MSI2: variants seen among roughly 807,000 people sequenced by gnomAD.
MSI2 encodes musashi RNA binding protein 2.
A neutral mutation model predicts 45.6 loss-of-function variants in MSI2; 17 were observed. That is an observed-to-expected ratio of 0.37 (90% CI 0.26 to 0.56). The LOEUF (loss-of-function observed/expected upper bound fraction) is 0.56, where lower values mean the gene tolerates loss of function less well. Among genes scored for constraint, MSI2 ranks in the 20% least tolerant of loss-of-function variants. The pLI is 0.77. For synonymous variants in MSI2, 156 were observed against 158.2 expected, an observed-to-expected ratio of 0.99 and a Z score of 0.11; for missense variants, 293 against 444.2, an observed-to-expected ratio of 0.66 and a Z score of 3.06.
intron 9 of MSI2, among the ~76,000 whole-genome samples, chr17:57,619,380 TA>T (rs1908063118): frequency 6.6e-6 from 1 of 152,202 alleles, no homozygotes; most frequent in South Asian, 2.1e-4. Flanking sequence ...GCCTGATGCG[TA>T]ACATGAATTG....
intron 5 of MSI2, among the ~76,000 whole-genome samples, chr17:57,364,428 A>G (rs985928379): frequency 6.6e-6 from 1 of 152,246 alleles, no homozygotes; most frequent in African/African-American, 2.4e-5. Context: ...GTGCAATCAA[A>G]GTTAAGTGCA....
intron 6 of MSI2, among the ~76,000 whole-genome samples, chr17:57,476,112 C>CGGCA (rs763140923): frequency 6.6e-6 from 1 of 152,252 alleles, no homozygotes; most frequent in South Asian, 2.1e-4. Context: ...GCAGTTTAGC[C>CGGCA]GGCATCTTGT....
chr17:57,501,562 A>G (rs925942237), intron 6 of MSI2, among the ~76,000 whole-genome samples: 2 of 152,158 alleles, frequency 1.3e-5, no homozygotes, highest in African/African-American at 4.8e-5. Flanking sequence ...CGCACAGAAT[A>G]TTGTTAGATT....
intron 6 of MSI2, among the ~76,000 whole-genome samples, chr17:57,450,488 C>T (rs1040508782): frequency 1.3e-5 from 2 of 151,742 alleles, no homozygotes; most frequent in African/African-American, 2.4e-5. Flanking sequence ...ACCAGCCTGG[C>T]TAACATGGTG....
intron 5 of MSI2, among the ~76,000 whole-genome samples, chr17:57,400,886 C>T (rs749273981): frequency 7.9e-5 from 12 of 152,006 alleles, no homozygotes; most frequent in Non-Finnish European, 1.6e-4. Context: ...TCTCCAGGTG[C>T]GAGGTCAGCG....
intron 5 of MSI2, among the ~76,000 whole-genome samples, chr17:57,395,349 A>T (rs1409860198): frequency 6.6e-6 from 1 of 152,198 alleles, no homozygotes; most frequent in Non-Finnish European, 1.5e-5. Context: ...TCTCTTTTCC[A>T]CATGTGATCC....
chr17:57,316,651 T>C (rs1430898192), intron 5 of MSI2, among the ~76,000 whole-genome samples: 1 of 152,166 alleles, frequency 6.6e-6, no homozygotes, highest in East Asian at 1.9e-4. Flanking sequence ...GTTTGGAAAA[T>C]CCTGTGCTTT....
At chr17:57,435,063 G>C (rs1567821512) in intron 6 of MSI2, among the ~76,000 whole-genome samples, 1 of 152,174 alleles carries the variant, frequency 6.6e-6, no homozygotes, top group Non-Finnish European at 1.5e-5. Context: ...TTCCACTAAT[G>C]TAAGAGAGAC....
rs147900268 is a variant in MSI2 at position 57,257,669 on chromosome 17, G to A, written c.185+122G>A. The A allele has an allele frequency of 2.3e-3, 1,562 of 679,906 alleles. 12 individuals carry two copies. The highest frequency in any genetic ancestry group is 0.017 in the African/African-American group (945 of 55,338). The allele number at this position is 679,906 out of a possible 1,614,324, so 42.1% of individuals were successfully genotyped here. A position where few individuals can be genotyped will look rare whatever the true frequency, so the allele number is the denominator to read the frequency against. ...GGGGCTCAGGCGCGTGGCTGATCTC[G>A]AACGGCGCTCTATACCACCCCCACC... is the stretch of plus-strand genomic sequence containing the variant. On this transcript the variant is annotated intron_variant, in intron 3 of 13. Transcript: ENST00000284073.
intron 5 of MSI2, among the ~76,000 whole-genome samples, chr17:57,294,332 C>T (rs567587761): frequency 1.3e-4 from 20 of 152,050 alleles, no homozygotes; most frequent in Middle Eastern, 3.4e-3. Flanking sequence ...TTTTAAGTGC[C>T]GGCAGGTGCA....
In MSI2 at chr17:57,256,640, G is replaced by T. The variant is rs1468484012; in HGVS notation, c.-103G>T. 4.0e-6 allele frequency: 2 copies of T among 494,662 alleles called. No homozygotes were observed. The highest frequency in any genetic ancestry group is 2.1e-5 in the African/African-American group (1 of 48,020). The allele number at this position is 494,662 out of a possible 1,614,324, so 30.6% of individuals were successfully genotyped here. A position where few individuals can be genotyped will look rare whatever the true frequency, so the allele number is the denominator to read the frequency against. ...GCCCGGGCGGGGGGGAGGAGGAGGG[G>T]GAGGAGGGAGCGGAGATCTCGGGGC... On this transcript the variant is annotated 5_prime_UTR_variant, in exon 1 of 14. Coordinates refer to ENST00000284073, the MANE Select transcript of MSI2 (RefSeq NM_138962.4).
In MSI2 at chr17:57,497,483, G is replaced by T. The variant is rs113759147; in HGVS notation, c.406-32193G>T. 7.1e-3 allele frequency among the ~76,000 whole-genome samples: 1,078 copies of T among 152,328 alleles called. 14 individuals are homozygous for T. The highest frequency in any genetic ancestry group is 0.024 in the African/African-American group (1,017 of 41,558). ...TCTCCCACCCTCCAGCAGTGCTGGG[G>T]AGCTGCGCTTGTTTGGGAACAGAGA... On this transcript the variant is annotated intron_variant, in intron 6 of 13. Coordinates refer to ENST00000284073, the MANE Select transcript of MSI2 (RefSeq NM_138962.4).
At chr17:57,519,279 G>A (rs1437376563) in intron 6 of MSI2, among the ~76,000 whole-genome samples, 2 of 152,166 alleles carry the variant, frequency 1.3e-5, no homozygotes, top group African/African-American at 2.4e-5. Context: ...GCATGCAGGC[G>A]AGGGGATTGC....
intron 5 of MSI2, among the ~76,000 whole-genome samples, chr17:57,299,575 A>G (rs958818991): frequency 6.6e-6 from 1 of 152,144 alleles, no homozygotes; most frequent in Non-Finnish European, 1.5e-5. Context: ...AACACACACA[A>G]TATTTATTGA....
intron 5 of MSI2, among the ~76,000 whole-genome samples, chr17:57,301,286 T>G (rs940019502): frequency 6.6e-6 from 1 of 152,202 alleles, no homozygotes; most frequent in Non-Finnish European, 1.5e-5. Flanking sequence ...CTGAGCACCC[T>G]TAAGAAGTAG....
At chr17:57,399,338 A>C (rs1232136292) in intron 5 of MSI2, among the ~76,000 whole-genome samples, 1 of 152,236 alleles carries the variant, frequency 6.6e-6, no homozygotes, top group East Asian at 1.9e-4. Context: ...TAATGGGCAG[A>C]AGGAAGTAGG....
At chr17:57,570,453 G>A (rs1835382076) in intron 7 of MSI2, among the ~76,000 whole-genome samples, 1 of 152,170 alleles carries the variant, frequency 6.6e-6, no homozygotes, top group South Asian at 2.1e-4. Context: ...TTATTTGTGA[G>A]TTATCCACGG....
At chr17:57,574,727 A>C (rs1441785023) in intron 7 of MSI2, among the ~76,000 whole-genome samples, 1 of 151,978 alleles carries the variant, frequency 6.6e-6, no homozygotes, top group Non-Finnish European at 1.5e-5. Flanking sequence ...TCTATCTTCT[A>C]CCAACTACTG....
chr17:57,663,002 G>A (rs1464939569), intron 11 of MSI2, among the ~76,000 whole-genome samples: 1 of 152,246 alleles, frequency 6.6e-6, no homozygotes, highest in East Asian at 1.9e-4. Context: ...GATGGAGCAC[G>A]GGCGGGCTTC....
Sources: gnomAD v4.1 joint callset for allele counts (sites outside exome capture counted in the v4.1 genomes callset) on GRCh38, gnomAD v4.1.1 for gene constraint, MANE v1.5 for transcripts, NCBI Gene and HGNC (gene_info 2026-07-23, HGNC 2026-07-21) for gene names.